Variants in CNTN5 observed in about 807,000 individuals in gnomAD.
The protein encoded by CNTN5 is contactin-5.
A neutral mutation model predicts 129.1 loss-of-function variants in CNTN5; 77 were observed. The observed-to-expected ratio is 0.60, with a 90% CI of 0.50 to 0.72. The LOEUF (loss-of-function observed/expected upper bound fraction) is 0.72. CNTN5 is among the 30% of genes least tolerant of loss of function. CNTN5 has a pLI of 0.00. For missense variants in CNTN5, 1,478 were observed against 1,328.8 expected, an observed-to-expected ratio of 1.11 and a Z score of -1.75; for synonymous variants, 509 against 465.6, an observed-to-expected ratio of 1.09 and a Z score of -1.20.
intron 1 of CNTN5, among the ~76,000 whole-genome samples, chr11:99,075,827 G>A (rs1389105046): frequency 6.6e-6 from 1 of 152,130 alleles, no homozygotes; most frequent in East Asian, 1.9e-4. Flanking sequence ...TTGCATGCGG[G>A]AAGTGTTTGT....
At chr11:99,613,087 T>G (rs189359112) in intron 3 of CNTN5, among the ~76,000 whole-genome samples, 2 of 152,138 alleles carry the variant, frequency 1.3e-5, no homozygotes, top group Admixed American at 1.3e-4. Flanking sequence ...ACAACCACGA[T>G]GCTCACAGGC....
At chr11:100,246,745 ATGT>A (rs1949848723) in intron 16 of CNTN5, among the ~76,000 whole-genome samples, 1 of 152,204 alleles carries the variant, frequency 6.6e-6, no homozygotes, top group Non-Finnish European at 1.5e-5. Context: ...TTTTGTAAAG[ATGT>A]ATTACTTTTT....
intron 2 of CNTN5, among the ~76,000 whole-genome samples, chr11:99,459,642 C>A (rs1944618899): frequency 6.6e-6 from 1 of 151,866 alleles, no homozygotes; most frequent in Non-Finnish European, 1.5e-5. Context: ...ATATTTTTTT[C>A]TATTTTAATT....
chr11:99,759,054 G>T (rs1250035601), intron 3 of CNTN5, among the ~76,000 whole-genome samples: 1 of 152,042 alleles, frequency 6.6e-6, no homozygotes, highest in Non-Finnish European at 1.5e-5. Flanking sequence ...GTCGGTACAA[G>T]TTGCTTTTAT....
chr11:99,889,140 G>T (rs1191411956), intron 6 of CNTN5, among the ~76,000 whole-genome samples: 2 of 152,096 alleles, frequency 1.3e-5, no homozygotes, highest in Non-Finnish European at 2.9e-5. Flanking sequence ...TTAACAAATT[G>T]AGAGAATAAA....
chr11:99,641,996 G>A (rs1951788685), intron 3 of CNTN5, among the ~76,000 whole-genome samples: 1 of 152,054 alleles, frequency 6.6e-6, no homozygotes, highest in African/African-American at 2.4e-5. Context: ...CCTCCCTTTG[G>A]ATATGATAAT....
chr11:99,589,103 T>A (rs1949898219), intron 3 of CNTN5, among the ~76,000 whole-genome samples: 2 of 152,166 alleles, frequency 1.3e-5, no homozygotes, highest in Admixed American at 1.3e-4. Flanking sequence ...ACTATAGAAG[T>A]GCAGCAAATT....
chr11:99,943,891 A>G (rs987956341), intron 7 of CNTN5, among the ~76,000 whole-genome samples: 1 of 152,046 alleles, frequency 6.6e-6, no homozygotes, highest in Non-Finnish European at 1.5e-5. Context: ...CCATTGGTCT[A>G]TATATCTGTT....
intron 7 of CNTN5, among the ~76,000 whole-genome samples, chr11:99,944,162 G>C (rs899664965): frequency 6.6e-6 from 1 of 151,774 alleles, no homozygotes; most frequent in Non-Finnish European, 1.5e-5. Context: ...TCATCTCTGG[G>C]ACACAGCTAA....
At chr11:99,349,263 TA>T (rs1938120475) in intron 2 of CNTN5, among the ~76,000 whole-genome samples, 1 of 152,172 alleles carries the variant, frequency 6.6e-6, no homozygotes, top group South Asian at 2.1e-4. Flanking sequence ...AACATATGCT[TA>T]TGAGAAACCC....
rs1278711220 is a variant in CNTN5, at chr11:99,843,970, C to T, written c.278-882C>T. Among the ~76,000 whole-genome samples, 3 of 152,182 alleles carry T rather than the reference C, an allele frequency of 2.0e-5. No individual in the cohort carries two copies. The South Asian group carries it at 6.2e-4, about 32-fold the overall frequency. On this transcript the variant is annotated intron_variant, in intron 4 of 24. Coordinates refer to ENST00000524871, the MANE Select transcript of CNTN5 (RefSeq NM_014361.4). ...TGTGGGCTGACATAACTTGTATTAT[C>T]CTCTGTACATTTGCTCATCATTTCT...
chr11:99,886,461 C>T (rs2135882826), intron 6 of CNTN5, among the ~76,000 whole-genome samples: 1 of 152,070 alleles, frequency 6.6e-6, no homozygotes, highest in East Asian at 1.9e-4. Context: ...TAGAAAGATT[C>T]AAAGTAAGTC....
rs573226814 is a variant in CNTN5 at position 100,322,037 on chromosome 11, G to T, written c.2730+13569G>T. Among the ~76,000 whole-genome samples, 3 of 152,250 alleles carry T rather than the reference G, an allele frequency of 2.0e-5. No individual in the cohort carries two copies. The South Asian group carries it at 6.2e-4, about 32-fold the overall frequency. Reference sequence around the variant, plus strand: ...GTCCTTGCCTGGCTTTGGTATCAGGGTGATGCTGTGCTTGTAAAATGAGTC... The same window carrying T: ...GTCCTTGCCTGGCTTTGGTATCAGGTTGATGCTGTGCTTGTAAAATGAGTC... On this transcript the variant is annotated intron_variant, in intron 21 of 24. Transcript: ENST00000524871.
intron 23 of CNTN5, among the ~76,000 whole-genome samples, chr11:100,349,416 T>C (rs781591092): frequency 2.6e-5 from 4 of 151,870 alleles, no homozygotes; most frequent in African/African-American, 4.8e-5. Flanking sequence ...AAGGAGTAGC[T>C]TTCTCTTTTT....
chr11:99,136,338 A>G (rs1409247341), intron 1 of CNTN5, among the ~76,000 whole-genome samples: 2 of 152,168 alleles, frequency 1.3e-5, no homozygotes, highest in Non-Finnish European at 2.9e-5. Flanking sequence ...CCAGGGTACT[A>G]CTTTGCTTGA....
At chr11:99,076,262 G>A (rs1196441932) in intron 1 of CNTN5, among the ~76,000 whole-genome samples, 1 of 152,078 alleles carries the variant, frequency 6.6e-6, no homozygotes, top group African/African-American at 2.4e-5. Flanking sequence ...TTGAACCTGG[G>A]AGCTAGAGGC....
At chr11:100,167,358 T>A (rs1947672895) in intron 13 of CNTN5, among the ~76,000 whole-genome samples, 1 of 151,858 alleles carries the variant, frequency 6.6e-6, no homozygotes, top group Non-Finnish European at 1.5e-5. Context: ...AGATGACTGA[T>A]AAATACATTT....
chr11:99,148,051 T>C (rs1463317945), intron 1 of CNTN5, among the ~76,000 whole-genome samples: 1 of 152,160 alleles, frequency 6.6e-6, no homozygotes, highest in Non-Finnish European at 1.5e-5. Context: ...TCATGCTTCA[T>C]ATTTTTGATT....
intron 13 of CNTN5, among the ~76,000 whole-genome samples, chr11:100,115,115 T>TAA (rs11388029): frequency 0.067 from 5,213 of 78,360 alleles, 330 homozygotes; most frequent in African/African-American, 0.15. Flanking sequence ...AGGTATACAG[T>TAA]AAAAAAAAAA....
Sources: allele counts gnomAD v4.1 joint callset (sites outside exome capture counted in the v4.1 genomes callset), GRCh38; gene constraint gnomAD v4.1.1; transcripts MANE v1.5; gene names NCBI Gene and HGNC (gene_info 2026-07-23, HGNC 2026-07-21).